Variants in AKAP13 observed in about 807,000 individuals in gnomAD.
AKAP13 encodes the protein A-kinase anchoring protein 13, also known as A-kinase anchor protein 13.
In AKAP13, 80 loss-of-function variants were observed where a neutral mutation model predicts 264.5. The ratio of observed to expected loss-of-function variants is 0.30; its 90% confidence interval spans 0.25 to 0.36. AKAP13 has a LOEUF of 0.36. Among genes scored for constraint, AKAP13 ranks in the 10% least tolerant of loss-of-function variants. AKAP13 has a pLI of 1.00. For missense variants in AKAP13, 3,712 were observed against 3,435.2 expected, an observed-to-expected ratio of 1.08 and a Z score of -2.01; for synonymous variants, 1,380 against 1,250.2, an observed-to-expected ratio of 1.10 and a Z score of -2.19.
rs1194474338 is a variant in AKAP13, at chr15:85,581,996, C to T, written c.3928C>T (p.Pro1310Ser). Residue 1310 changes from proline (P) to serine (S), a missense_variant, in exon 7 of 37, where the codon CCA becomes TCA. Around this residue, in one of 3 missense-constraint regions of AKAP13, gnomAD observed 2,759 missense variants for 2,411.7 expected, o/e 1.14. Transcript: ENST00000394518. ...TACTTTCCCACCTGGGGAGAGCCTA[C>T]CAATGGGCAGTACTCCTGAGGAAGC... ...VSTFPPGESLPMGSTPEEATG... is the reference protein window; with the variant it reads ...VSTFPPGESLSMGSTPEEATG... 1.2e-6 allele frequency: 2 copies of T among 1,614,132 alleles called. No homozygotes were observed. Among genetic ancestry groups the T allele is most frequent in the South Asian group, 1.1e-5 (1 of 91,086 alleles).
intron 5 of AKAP13, among the ~76,000 whole-genome samples, chr15:85,566,626 CTT>C (rs35129066): frequency 5.6e-4 from 76 of 135,254 alleles, no homozygotes; most frequent in African/African-American, 1.7e-3. Flanking sequence ...AAATAACTTA[CTT>C]TTTTTTTTTT....
At chr15:85,566,925 A>G (rs1287682869) in intron 5 of AKAP13, among the ~76,000 whole-genome samples, 1 of 151,590 alleles carries the variant, frequency 6.6e-6, no homozygotes, top group South Asian at 2.1e-4. Context: ...ACTGTGCCTG[A>G]CCGGAAATGA....
At chr15:85,740,593 CTG>C (rs2088878914) in intron 34 of AKAP13, 2 of 370,860 alleles carry the variant, frequency 5.4e-6, no homozygotes, top group Non-Finnish European at 9.8e-6. Flanking sequence ...TTCCGTATCT[CTG>C]TGGTATTTGA....
In AKAP13 at chr15:85,385,359, G is replaced by A. The variant is rs559388827; in HGVS notation, c.-12+4561G>A. 2.0e-5 allele frequency among the ~76,000 whole-genome samples: 3 copies of A among 152,222 alleles called. No homozygotes were observed. The South Asian group carries it at 6.2e-4, about 32-fold the overall frequency. On this transcript the variant is annotated intron_variant, in intron 1 of 36. Transcript: ENST00000394518. ...CTCAGCACATCATTATGTCTCTTTA[G>A]TCTCTATTTTTTCATTCTTTAATTA...
intron 1 of AKAP13, among the ~76,000 whole-genome samples, chr15:85,385,278 A>G (rs2070500841): frequency 6.6e-6 from 1 of 152,002 alleles, no homozygotes; most frequent in South Asian, 2.1e-4. Context: ...TTTGTCTCCC[A>G]AATATCTTTT....
intron 25 of AKAP13, among the ~76,000 whole-genome samples, chr15:85,722,753 T>G (rs952189863): frequency 6.6e-6 from 1 of 151,936 alleles, no homozygotes; most frequent in Non-Finnish European, 1.5e-5. Flanking sequence ...CATTAAAAAT[T>G]AAGTAAAACA....
intron 4 of AKAP13, 71 bp downstream of exon 4, chr15:85,533,951 C>G (rs760579419): frequency 7.6e-6 from 11 of 1,447,276 alleles, no homozygotes; most frequent in Non-Finnish European, 9.3e-6. Context: ...AATGGGGCTA[C>G]TTTTCTATGG....
chr15:85,548,750 T>G (rs1482755268), intron 5 of AKAP13, among the ~76,000 whole-genome samples: 1 of 152,200 alleles, frequency 6.6e-6, no homozygotes, highest in African/African-American at 2.4e-5. Flanking sequence ...TATCTTGTTT[T>G]GTAATATTTC....
chr15:85,418,930 G>A (rs2072376930), intron 1 of AKAP13, among the ~76,000 whole-genome samples: 1 of 152,186 alleles, frequency 6.6e-6, no homozygotes, highest in Non-Finnish European at 1.5e-5. Context: ...AAATTCAGCA[G>A]TCTGCTTATA....
chr15:85,608,835 G>A (rs998180296), intron 8 of AKAP13, among the ~76,000 whole-genome samples: 3 of 152,114 alleles, frequency 2.0e-5, no homozygotes, highest in Non-Finnish European at 4.4e-5. Context: ...TCCAGACAAG[G>A]GAGATTAGAC....
At chr15:85,504,610 C>G (rs73450332) in intron 2 of AKAP13, among the ~76,000 whole-genome samples, 69 of 142,690 alleles carry the variant, frequency 4.8e-4, no homozygotes, top group Admixed American at 2.4e-3. Context: ...GAGGGTTGCT[C>G]AAGCCTGGAA....
At chr15:85,435,754 A>G (rs938219078) in intron 1 of AKAP13, among the ~76,000 whole-genome samples, 1 of 143,716 alleles carries the variant, frequency 7.0e-6, no homozygotes, top group African/African-American at 2.5e-5. Flanking sequence ...TACTTCACAG[A>G]CAAGCAAATG....
In AKAP13 at chr15:85,746,675, T is replaced by C. The variant is rs532576493; in HGVS notation, c.*1998T>C. 6.6e-6 allele frequency: 1 copy of C among 152,342 alleles called. No individual in the cohort carries two copies. Among genetic ancestry groups the C allele is most frequent in the African/African-American group, 2.4e-5 (1 of 41,576 alleles). The allele number at this position is 152,342 out of a possible 1,614,324, so 9.4% of individuals were successfully genotyped here. ...CCCTAAACAAAAAGTTAAGTTTCTT[T>C]CTTTCACCTATTTGTACAACTCCAA... On this transcript the variant is annotated 3_prime_UTR_variant, in exon 37 of 37. Coordinates refer to ENST00000394518, the MANE Select transcript of AKAP13 (RefSeq NM_007200.5).
chr15:85,713,527 C>A (rs963197083), intron 19 of AKAP13, among the ~76,000 whole-genome samples: 1 of 133,014 alleles, frequency 7.5e-6, no homozygotes, highest in Non-Finnish European at 1.5e-5. Flanking sequence ...AACTCTTAAG[C>A]TCATTCTCTT....
rs146167492 is a variant in AKAP13, at chr15:85,730,517, A to G, written c.7092A>G (p.Gln2364=). ...LDTRARELKE[Q]LHQKDQKILL... ...ATCATTTTCTCCTTCCTGCAGAACA[A>G]CTTCACCAGAAGGACCAAAAAATCC... Residue 2364 remains glutamine (Q), a synonymous_variant, in exon 30 of 37, where the codon CAA becomes CAG. Coordinates refer to ENST00000394518, the MANE Select transcript of AKAP13 (RefSeq NM_007200.5). 1.4e-5 allele frequency: 22 copies of G among 1,613,574 alleles called. No homozygotes were observed. The highest frequency in any genetic ancestry group is 3.3e-4 in the Middle Eastern group (2 of 6,082).
At chr15:85,422,156 C>T (rs1204116698) in intron 1 of AKAP13, among the ~76,000 whole-genome samples, 3 of 152,038 alleles carry the variant, frequency 2.0e-5, no homozygotes, top group Admixed American at 6.5e-5. Context: ...TGGGTATGTA[C>T]GTATTTAGGA....
intron 2 of AKAP13, among the ~76,000 whole-genome samples, chr15:85,490,018 C>T (rs191998529): frequency 2.9e-4 from 44 of 152,258 alleles, no homozygotes; most frequent in South Asian, 1.5e-3. Context: ...ATCACTAAGT[C>T]GGGTTTTTCT....
At chr15:85,529,106 G>T (rs2077171018) in intron 3 of AKAP13, among the ~76,000 whole-genome samples, 1 of 152,156 alleles carries the variant, frequency 6.6e-6, no homozygotes, top group South Asian at 2.1e-4. Context: ...CCATGTCTTT[G>T]CAGTGTAATT....
At chr15:85,548,241 A>G (rs758916630) in intron 5 of AKAP13, among the ~76,000 whole-genome samples, 3 of 152,076 alleles carry the variant, frequency 2.0e-5, no homozygotes, top group African/African-American at 4.8e-5. Flanking sequence ...CCATTTGCAA[A>G]CTTTCCTTGC....
Sources: allele counts gnomAD v4.1 joint callset (sites outside exome capture counted in the v4.1 genomes callset), GRCh38; gene constraint gnomAD v4.1.1; regional missense constraint gnomAD v4.1.1; transcripts MANE v1.5; gene names NCBI Gene and HGNC (gene_info 2026-07-23, HGNC 2026-07-21).